The following EHBP1 variants were observed in gnomAD, a reference collection of about 807,000 sequenced individuals.
EHBP1 encodes EH domain binding protein 1, also known as EH domain-binding protein 1.
EHBP1 carries 55 observed loss-of-function variants against 144.0 expected under a neutral mutation model. The observed-to-expected ratio is 0.38, with a 90% CI of 0.31 to 0.48. The LOEUF (loss-of-function observed/expected upper bound fraction) is 0.48. Ranked by LOEUF, EHBP1 falls within the 20% of genes least tolerant of loss-of-function variation. The pLI is 0.98. For missense variants in EHBP1, 1,200 were observed against 1,364.2 expected (o/e 0.88, Z 1.90); for synonymous variants, 469 against 472.7 (o/e 0.99, Z 0.10).
chr2:62,750,998 T>C (rs563248799), intron 3 of EHBP1, among the ~76,000 whole-genome samples: 33 of 152,342 alleles, frequency 2.2e-4, no homozygotes, highest in Middle Eastern at 3.4e-3. Flanking sequence ...CTGATTGCCC[T>C]AGCCAGAACT....
chr2:62,971,652 T>G (rs1315008118), intron 14 of EHBP1, among the ~76,000 whole-genome samples: 1 of 152,274 alleles, frequency 6.6e-6, no homozygotes, highest in East Asian at 1.9e-4. Context: ...GGCGGTATAT[T>G]TAAGTGAGAT....
chr2:62,976,053 C>T (rs2058698600), intron 14 of EHBP1, among the ~76,000 whole-genome samples: 1 of 152,144 alleles, frequency 6.6e-6, no homozygotes, highest in African/African-American at 2.4e-5. Context: ...GGAGTTATTT[C>T]AAAAGCTGCC....
intron 7 of EHBP1, among the ~76,000 whole-genome samples, chr2:62,856,358 C>G (rs1202334927): frequency 6.6e-6 from 1 of 152,210 alleles, no homozygotes; most frequent in Non-Finnish European, 1.5e-5. Flanking sequence ...CTTCCAGGTG[C>G]CACCACGTTC....
In EHBP1 at chr2:62,919,778, A is replaced by G. The variant is rs187228046; in HGVS notation, c.1186-22940A>G. ...CTGAACATATGGAGAGAATTTTATA[A>G]AAAGAGATACCTGAACCAAATGGAA... On this transcript the variant is annotated intron_variant, in intron 10 of 22. Coordinates refer to ENST00000431489, the MANE Select transcript of EHBP1 (RefSeq NM_001142616.3). Among the ~76,000 whole-genome samples, 15 of 152,304 alleles carry G rather than the reference A, an allele frequency of 9.8e-5. No individual in the cohort carries two copies. In the South Asian group the frequency reaches 1.4e-3, roughly 15 times the overall value.
chr2:62,787,406 C>A (rs866627282), intron 5 of EHBP1, among the ~76,000 whole-genome samples: 28 of 122,058 alleles, frequency 2.3e-4, no homozygotes, highest in Non-Finnish European at 4.3e-4. Flanking sequence ...CCCCCCCCCC[C>A]ACCCCCTTGC....
intron 10 of EHBP1, among the ~76,000 whole-genome samples, chr2:62,887,152 A>T (rs2052002575): frequency 6.6e-6 from 1 of 152,120 alleles, no homozygotes; most frequent in South Asian, 2.1e-4. Context: ...CTTATACTTC[A>T]TGGCCCAACA....
intron 14 of EHBP1, among the ~76,000 whole-genome samples, chr2:62,959,382 A>C (rs1163545815): frequency 2.0e-5 from 3 of 152,154 alleles, no homozygotes; most frequent in African/African-American, 7.2e-5. Context: ...GCTTTTTCTG[A>C]TAAGTACCCC....
At chr2:62,869,675 G>A (rs1047712473) in intron 9 of EHBP1, among the ~76,000 whole-genome samples, 1 of 152,162 alleles carries the variant, frequency 6.6e-6, no homozygotes, top group African/African-American at 2.4e-5. Flanking sequence ...TGGAGGGACT[G>A]GAAATGTTTG....
chr2:62,872,979 G>C (rs1215577662), intron 9 of EHBP1, among the ~76,000 whole-genome samples: 1 of 152,186 alleles, frequency 6.6e-6, no homozygotes, highest in African/African-American at 2.4e-5. Context: ...CTAACCAGTA[G>C]TGGTGCCAGC....
intron 10 of EHBP1, among the ~76,000 whole-genome samples, chr2:62,892,196 T>A (rs1346494865): frequency 6.6e-6 from 1 of 152,212 alleles, no homozygotes; most frequent in African/African-American, 2.4e-5. Context: ...ATACTGAAGC[T>A]ATTTTTCCAC....
intron 10 of EHBP1, among the ~76,000 whole-genome samples, chr2:62,895,390 C>T (rs532353921): frequency 6.9e-4 from 105 of 152,218 alleles, no homozygotes; most frequent in African/African-American, 2.5e-3. Flanking sequence ...TCCAGAGGAG[C>T]TTGTCTTAAC....
intron 2 of EHBP1, among the ~76,000 whole-genome samples, chr2:62,745,175 T>G (rs1455824133): frequency 6.6e-6 from 1 of 152,094 alleles, no homozygotes; most frequent in Non-Finnish European, 1.5e-5. Context: ...TGCCGCATAT[T>G]CATTGAACCT....
intron 14 of EHBP1, among the ~76,000 whole-genome samples, chr2:62,969,758 AT>A (rs796647608): frequency 6.6e-6 from 1 of 152,102 alleles, no homozygotes; most frequent in Admixed American, 6.6e-5. Context: ...AGAAAGGCTG[AT>A]TTTTTTCTTT....
intron 5 of EHBP1, among the ~76,000 whole-genome samples, chr2:62,813,812 C>T (rs2045241635): frequency 1.3e-5 from 2 of 152,266 alleles, no homozygotes; most frequent in South Asian, 2.1e-4. Context: ...GCCTATTTCT[C>T]TCTTTTGAAA....
At chr2:62,963,980 G>A (rs1001140982) in intron 14 of EHBP1, among the ~76,000 whole-genome samples, 1 of 152,106 alleles carries the variant, frequency 6.6e-6, no homozygotes, top group African/African-American at 2.4e-5. Flanking sequence ...GAAGAATGCT[G>A]GCGTACTTCT....
chr2:62,958,951 A>G (rs2057858739), intron 14 of EHBP1, among the ~76,000 whole-genome samples: 2 of 152,196 alleles, frequency 1.3e-5, no homozygotes, highest in Non-Finnish European at 1.5e-5. Flanking sequence ...TTGAGTGGAT[A>G]CAATGTTTTA....
At chr2:62,820,321 C>G (rs1350872684) in intron 5 of EHBP1, among the ~76,000 whole-genome samples, 1 of 151,094 alleles carries the variant, frequency 6.6e-6, no homozygotes, top group Non-Finnish European at 1.5e-5. Context: ...ACTCACAATA[C>G]TGTACAATAT....
At chr2:62,890,252 A>G (rs1032246785) in intron 10 of EHBP1, among the ~76,000 whole-genome samples, 1 of 152,124 alleles carries the variant, frequency 6.6e-6, no homozygotes, top group African/African-American at 2.4e-5. Flanking sequence ...GAAATTTAAA[A>G]TAGTTTTTTC....
At chr2:62,812,859 G>A (rs2045130778) in intron 5 of EHBP1, among the ~76,000 whole-genome samples, 1 of 152,214 alleles carries the variant, frequency 6.6e-6, no homozygotes, top group African/African-American at 2.4e-5. Context: ...AATACAAAAA[G>A]TTGGAAGATT....
Sources: gnomAD v4.1 joint callset for allele counts (sites outside exome capture counted in the v4.1 genomes callset) on GRCh38, gnomAD v4.1.1 for gene constraint, MANE v1.5 for transcripts, NCBI Gene and HGNC (gene_info 2026-07-23, HGNC 2026-07-21) for gene names.